SSH2: variants seen among roughly 807,000 people sequenced by gnomAD.
The protein encoded by SSH2 is protein phosphatase Slingshot homolog 2.
Under a neutral mutation model 135.2 loss-of-function variants are expected in SSH2, and 37 were observed. The observed-to-expected ratio is 0.27, with a 90% CI of 0.21 to 0.36. The LOEUF is 0.36. Among genes scored for constraint, SSH2 ranks in the 10% least tolerant of loss-of-function variants. The probability of loss-of-function intolerance (pLI) is 1.00; values close to 1 mark genes in which losing one functional copy is unlikely to be tolerated. For synonymous variants in SSH2, 628 were observed against 646.2 expected, an observed-to-expected ratio of 0.97 and a Z score of 0.43; for missense variants, 1,408 against 1,765.3, an observed-to-expected ratio of 0.80 and a Z score of 3.63.
chr17:29,890,658 A>T (rs2066331145), intron 1 of SSH2, among the ~76,000 whole-genome samples: 1 of 152,150 alleles, frequency 6.6e-6, no homozygotes, highest in Non-Finnish European at 1.5e-5. Flanking sequence ...TCATAGATAA[A>T]GGGGTTTCTT....
Position 29,749,580 on chromosome 17 carries a change from A to G in SSH2, c.188+44314T>C, listed in dbSNP as rs543884139. On this transcript the variant is annotated intron_variant, in intron 3 of 15. Transcript: ENST00000540801. ...CACCTGTAAGGGGCACTTACAATCA[A>G]TGGAGCTTGCAGGACTGGAAGTTGC... Among the ~76,000 whole-genome samples the G allele has an allele frequency of 2.6e-4, 40 of 152,298 alleles. 1 individual carries two copies. The highest frequency in any genetic ancestry group is 8.9e-4 in the African/African-American group (37 of 41,570).
chr17:29,791,586 C>G (rs1321848847), intron 3 of SSH2, among the ~76,000 whole-genome samples: 1 of 152,210 alleles, frequency 6.6e-6, no homozygotes, highest in Non-Finnish European at 1.5e-5. Context: ...TCTGAACAAT[C>G]TGTAGCAGTC....
chr17:29,769,460 A>G (rs962418311), intron 3 of SSH2, among the ~76,000 whole-genome samples: 1 of 152,202 alleles, frequency 6.6e-6, no homozygotes, highest in Non-Finnish European at 1.5e-5. Context: ...GCTGCTGTAT[A>G]CCATCCTCTT....
intron 8 of SSH2, among the ~76,000 whole-genome samples, chr17:29,673,343 G>A (rs550170143): frequency 2.6e-5 from 4 of 152,184 alleles, no homozygotes; most frequent in Admixed American, 6.5e-5. Flanking sequence ...GCCAAGGTGG[G>A]TGGATCACTT....
At chr17:29,662,729 C>A (rs148495556) in intron 11 of SSH2, among the ~76,000 whole-genome samples, 2 of 152,128 alleles carry the variant, frequency 1.3e-5, no homozygotes, top group Admixed American at 6.5e-5. Flanking sequence ...ATTTCATCAC[C>A]CAGGTATTAA....
At chr17:29,913,350 A>AAAAAAT (rs2066813780) in intron 1 of SSH2, among the ~76,000 whole-genome samples, 2 of 30,878 alleles carry the variant, frequency 6.5e-5, no homozygotes, top group East Asian at 8.7e-4. Context: ...AAAAAAAAAT[A>AAAAAAT]TATATATATA....
At chr17:29,658,707 A>T (rs1172268148) in intron 11 of SSH2, among the ~76,000 whole-genome samples, 2 of 152,024 alleles carry the variant, frequency 1.3e-5, no homozygotes, top group African/African-American at 4.8e-5. Flanking sequence ...GTCTCTACTA[A>T]AAATACAAAA....
At chr17:29,696,453 T>C (rs573910144) in intron 4 of SSH2, among the ~76,000 whole-genome samples, 2 of 145,574 alleles carry the variant, frequency 1.4e-5, no homozygotes, top group Non-Finnish European at 3.0e-5. Flanking sequence ...ATATATACTG[T>C]CATTATAATA....
intron 11 of SSH2, among the ~76,000 whole-genome samples, chr17:29,658,184 A>G (rs2036871069): frequency 1.3e-5 from 2 of 151,578 alleles, no homozygotes; most frequent in Admixed American, 1.3e-4. Context: ...TGGTATTTTT[A>G]GTAGAGATGG....
At chr17:29,835,915 C>T (rs1239410764) in intron 2 of SSH2, among the ~76,000 whole-genome samples, 6 of 147,988 alleles carry the variant, frequency 4.1e-5, no homozygotes, top group East Asian at 2.0e-4. Flanking sequence ...GCTGAGATCA[C>T]GCCACTGCAC....
intron 1 of SSH2, among the ~76,000 whole-genome samples, chr17:29,859,922 C>A (rs1354857123): frequency 1.3e-5 from 2 of 152,180 alleles, no homozygotes; most frequent in Non-Finnish European, 2.9e-5. Flanking sequence ...CCTTGGCTCA[C>A]TGCAACCTCC....
chr17:29,788,943 T>C (rs2042017692), intron 3 of SSH2, among the ~76,000 whole-genome samples: 1 of 152,190 alleles, frequency 6.6e-6, no homozygotes, highest in Non-Finnish European at 1.5e-5. Context: ...AGAATATTTG[T>C]AGAAATATGG....
At chr17:29,653,798 G>C (rs2036677694) in intron 12 of SSH2, among the ~76,000 whole-genome samples, 1 of 152,140 alleles carries the variant, frequency 6.6e-6, no homozygotes, top group African/African-American at 2.4e-5. Flanking sequence ...ATGTTAGCCA[G>C]GCTGGTCTTG....
chr17:29,802,035 TA>T (rs1364706251), intron 2 of SSH2, among the ~76,000 whole-genome samples: 2 of 152,178 alleles, frequency 1.3e-5, no homozygotes, highest in Non-Finnish European at 2.9e-5. Flanking sequence ...TAAAACATAT[TA>T]TTTTTTTTGA....
intron 2 of SSH2, among the ~76,000 whole-genome samples, chr17:29,824,424 C>A (rs1406920828): frequency 1.3e-5 from 2 of 152,188 alleles, no homozygotes; most frequent in Non-Finnish European, 2.9e-5. Flanking sequence ...AGACCCTCCC[C>A]TGTGTCTTTT....
intron 3 of SSH2, among the ~76,000 whole-genome samples, chr17:29,788,792 G>A (rs1343142592): frequency 6.6e-6 from 1 of 152,116 alleles, no homozygotes; most frequent in African/African-American, 2.4e-5. Flanking sequence ...GGGTAGAAGA[G>A]TTTTGAAGTG....
chr17:29,858,914 G>A lies in SSH2; in HGVS notation c.64-9985C>T, dbSNP rs576332628. On this transcript the variant is annotated intron_variant, in intron 1 of 15. Coordinates refer to ENST00000540801, the MANE Select transcript of SSH2 (RefSeq NM_001282129.2). ...TAAAATAGAAAAAGAGAAGAGATTA[G>A]GACACAGATACACCCAGAGGAAAGA... Among the ~76,000 whole-genome samples, 11 of 151,936 alleles carry A rather than the reference G, an allele frequency of 7.2e-5. No homozygotes were observed. The South Asian group carries it at 2.3e-3, about 32-fold the overall frequency.
chr17:29,799,003 T>TA (rs781139700), intron 2 of SSH2, among the ~76,000 whole-genome samples: 103 of 152,228 alleles, frequency 6.8e-4, no homozygotes, highest in Admixed American at 2.6e-3. Context: ...AACAATGTAT[T>TA]ACTCATTTTT....
chr17:29,744,858 T>TGA (rs1270560803), intron 3 of SSH2, among the ~76,000 whole-genome samples: 60 of 117,566 alleles, frequency 5.1e-4, no homozygotes, highest in Middle Eastern at 3.8e-3. Context: ...TTGGATTACT[T>TGA]GAGTGTGTGT....
Sources: allele counts gnomAD v4.1 joint callset (sites outside exome capture counted in the v4.1 genomes callset), GRCh38; gene constraint gnomAD v4.1.1; transcripts MANE v1.5; gene names NCBI Gene and HGNC (gene_info 2026-07-23, HGNC 2026-07-21).